The following FGF13 variants were observed in gnomAD, a reference collection of about 807,000 sequenced individuals.
FGF13 encodes fibroblast growth factor 13.
FGF13 carries 2 observed loss-of-function variants against 19.5 expected under a neutral mutation model. The observed-to-expected ratio is 0.10, with a 90% confidence interval of 0.04 to 0.32. The LOEUF (loss-of-function observed/expected upper bound fraction) is 0.32. FGF13 is among the 10% of genes least tolerant of loss of function. The pLI is 1.00. For missense variants in FGF13, 113 were observed against 192.7 expected (o/e 0.59, Z 2.45); for synonymous variants, 72 against 76.9 (o/e 0.94, Z 0.33).
chrX:138,855,005 T>TAA (rs1213719976), downstream of FGF13, among the ~76,000 whole-genome samples: 237 of 100,892 alleles, frequency 2.3e-3, no homozygotes, highest in African/African-American at 7.9e-3. Context: ...ATCCATTTGT[T>TAA]AAAAAAAAAA....
intron 1 of FGF13, among the ~76,000 whole-genome samples, chrX:139,175,264 T>C (rs1247702854): frequency 8.9e-6 from 1 of 112,423 alleles, no homozygotes; most frequent in Admixed American, 9.4e-5. Flanking sequence ...GAGACTTTGC[T>C]AAATTTGCTT....
intron 3 of FGF13, among the ~76,000 whole-genome samples, chrX:138,775,627 G>T (rs1452070731): frequency 8.9e-6 from 1 of 111,902 alleles, no homozygotes; most frequent in Non-Finnish European, 1.9e-5. Flanking sequence ...GGACTCGGGA[G>T]ATACTAAAAA....
intron 3 of FGF13, among the ~76,000 whole-genome samples, chrX:138,835,773 TTTG>T (rs759171892): frequency 1.8e-3 from 196 of 111,916 alleles, no homozygotes; most frequent in African/African-American, 6.3e-3. Context: ...TCAGTGTGTT[TTTG>T]TAGTGGCTGG....
At chrX:138,692,443 G>A (rs1159174670) in intron 3 of FGF13, among the ~76,000 whole-genome samples, 2 of 104,405 alleles carry the variant, frequency 1.9e-5, no homozygotes, top group Non-Finnish European at 3.9e-5. Context: ...CGAGGAGATA[G>A]AGACTAAAAA....
At chrX:139,054,483 A>G (rs2092314428) in intron 1 of FGF13, among the ~76,000 whole-genome samples, 2 of 111,506 alleles carry the variant, frequency 1.8e-5, no homozygotes, top group African/African-American at 6.5e-5. Flanking sequence ...GCCTTCTGGT[A>G]TAGTTTGAAG....
intron 1 of FGF13, among the ~76,000 whole-genome samples, chrX:138,906,926 G>A (rs2091561579): frequency 9.0e-6 from 1 of 111,571 alleles, no homozygotes; most frequent in Non-Finnish European, 1.9e-5. Context: ...GTTAAAATTT[G>A]GCAGATCATT....
chrX:138,664,861 G>A (rs1389658996), intron 3 of FGF13, among the ~76,000 whole-genome samples: 1 of 111,192 alleles, frequency 9.0e-6, no homozygotes, highest in African/African-American at 3.3e-5. Context: ...GCTCAAAGAA[G>A]TCCAAAGGAA....
intron 1 of FGF13, among the ~76,000 whole-genome samples, chrX:138,878,037 A>G (rs774532277): frequency 1.8e-5 from 2 of 111,690 alleles, no homozygotes; most frequent in South Asian, 7.6e-4. Context: ...ACCATTTTAC[A>G]TTTCCACCAA....
intron 1 of FGF13, among the ~76,000 whole-genome samples, chrX:138,955,759 G>A (rs937233489): frequency 1.8e-5 from 2 of 112,178 alleles, no homozygotes; most frequent in African/African-American, 3.2e-5. Flanking sequence ...GTAGCACAGA[G>A]AAATTCCACC....
chrX:139,023,005 C>T (rs866277154), intron 1 of FGF13, among the ~76,000 whole-genome samples: 5 of 111,384 alleles, frequency 4.5e-5, no homozygotes, highest in Middle Eastern at 9.3e-3. Context: ...GACAAGGAAA[C>T]TGGGGTTCTG....
At chrX:139,030,944 C>T (rs972910683) in intron 1 of FGF13, among the ~76,000 whole-genome samples, 1 of 111,865 alleles carries the variant, frequency 8.9e-6, no homozygotes, top group African/African-American at 3.2e-5. Context: ...AAAAGGTATA[C>T]GTTTTAAAGA....
intron 3 of FGF13, among the ~76,000 whole-genome samples, chrX:138,658,894 C>T (rs1470786557): frequency 2.7e-5 from 3 of 112,070 alleles, no homozygotes; most frequent in Admixed American, 9.5e-5. Context: ...TGTAAGTCCT[C>T]ATCTCTTGCC....
chrX:139,169,409 C>T (rs940023404), intron 1 of FGF13, among the ~76,000 whole-genome samples: 12 of 111,077 alleles, frequency 1.1e-4, no homozygotes, highest in Non-Finnish European at 1.9e-5. Context: ...TGTACAATGG[C>T]CCTGTCTCCA....
chrX:139,016,109 CAT>C (rs1318964989), intron 1 of FGF13, among the ~76,000 whole-genome samples: 1 of 111,894 alleles, frequency 8.9e-6, no homozygotes, highest in Admixed American at 9.5e-5. Context: ...CTTACCAATA[CAT>C]GTCATTATTT....
intron 1 of FGF13, among the ~76,000 whole-genome samples, chrX:138,984,208 G>C (rs2091976394): frequency 9.0e-6 from 1 of 110,625 alleles, no homozygotes; most frequent in Non-Finnish European, 1.9e-5. Flanking sequence ...AGGAGTTTGA[G>C]ATCAGTCTGG....
At chrX:138,808,073 G>C (rs1214770319) in intron 3 of FGF13, among the ~76,000 whole-genome samples, 45 of 111,480 alleles carry the variant, frequency 4.0e-4, no homozygotes, top group African/African-American at 1.5e-3. Context: ...ATTGAACTCA[G>C]CTCTGCACCA....
At chrX:138,756,601 A>G (rs2124323932) in intron 3 of FGF13, among the ~76,000 whole-genome samples, 1 of 112,578 alleles carries the variant, frequency 8.9e-6, no homozygotes, top group South Asian at 3.7e-4. Context: ...TTCTAACTGA[A>G]ATGGGGAGCC....
intron 1 of FGF13, among the ~76,000 whole-genome samples, chrX:139,107,292 G>A (rs2083567507): frequency 8.9e-6 from 1 of 111,830 alleles, no homozygotes; most frequent in African/African-American, 3.2e-5. Context: ...CCTTTAAGAT[G>A]GCTTTCCCTG....
chrX:138,943,305 T>C lies in FGF13; in HGVS notation c.-112-78655A>G, dbSNP rs1488459287. On this transcript the variant is annotated intron_variant, in intron 1 of 2. Coordinates refer to the FGF13 transcript ENST00000421460. ...GTGTCCAATGTGTAGTAACTCAACATTTAGTCTTGCAGGCTATGCAGAACT... is the reference window on the plus strand; with the variant it reads ...GTGTCCAATGTGTAGTAACTCAACACTTAGTCTTGCAGGCTATGCAGAACT... Among the ~76,000 whole-genome samples the C allele has an allele frequency of 2.7e-5, 3 of 111,941 alleles. No homozygotes were observed. In the East Asian group the frequency reaches 8.5e-4, roughly 32 times the overall value.
Sources: gnomAD v4.1 joint callset for allele counts (sites outside exome capture counted in the v4.1 genomes callset) on GRCh38, gnomAD v4.1.1 for gene constraint, MANE v1.5 for transcripts, NCBI Gene and HGNC (gene_info 2026-07-23, HGNC 2026-07-21) for gene names.